The following SH3BGRL2 variants were observed in gnomAD, a reference collection of about 807,000 sequenced individuals.
The protein encoded by SH3BGRL2 is SH3 domain-binding glutamic acid-rich-like protein 2.
A neutral mutation model predicts 14.8 loss-of-function variants in SH3BGRL2; 21 were observed. The ratio of observed to expected loss-of-function variants is 1.42; its 90% CI spans 1.01 to 2.05. SH3BGRL2 has a LOEUF of 2.05. Among genes scored for constraint, SH3BGRL2 ranks in the 30% most tolerant of loss-of-function variants. SH3BGRL2 has a pLI of 0.00. For synonymous variants in SH3BGRL2, 50 were observed against 47.8 expected (o/e 1.05, Z -0.19); for missense variants, 147 against 130.8 (o/e 1.12, Z -0.61).
chr6:79,636,603 G>C (rs1171668942), intron 1 of SH3BGRL2, among the ~76,000 whole-genome samples: 1 of 152,142 alleles, frequency 6.6e-6, no homozygotes, highest in Non-Finnish European at 1.5e-5. Flanking sequence ...TTAAATAAAA[G>C]AAATTTGTCT....
intron 1 of SH3BGRL2, among the ~76,000 whole-genome samples, chr6:79,633,655 C>A (rs898593379): frequency 1.5e-4 from 23 of 152,166 alleles, no homozygotes; most frequent in Non-Finnish European, 2.8e-4. Context: ...AAGACCCAGT[C>A]TTTTCAGGTT....
chr6:79,621,551 A>C, the SH3BGRL2 span, among the ~76,000 whole-genome samples: 1 of 152,204 alleles, frequency 6.6e-6, no homozygotes, highest in African/African-American at 2.4e-5. Flanking sequence ...TACCCAGCTT[A>C]TGGTATTTCG....
At chr6:79,697,332 G>A (rs1770352272) in intron 3 of SH3BGRL2, among the ~76,000 whole-genome samples, 1 of 152,032 alleles carries the variant, frequency 6.6e-6, no homozygotes, top group South Asian at 2.1e-4. Context: ...GACATTTTTT[G>A]TGTTTCCTTG....
At chr6:79,611,709 G>C in the SH3BGRL2 span, among the ~76,000 whole-genome samples, 1 of 152,222 alleles carries the variant, frequency 6.6e-6, no homozygotes, top group East Asian at 1.9e-4. Flanking sequence ...ACCACGCCTG[G>C]CCCTACAGTA....
the SH3BGRL2 span, among the ~76,000 whole-genome samples, chr6:79,552,349 G>C: frequency 6.6e-6 from 1 of 152,192 alleles, no homozygotes; most frequent in Non-Finnish European, 1.5e-5. Flanking sequence ...GAAAAACCTT[G>C]TGGCAGTTAG....
intron 2 of SH3BGRL2, among the ~76,000 whole-genome samples, chr6:79,686,333 A>G (rs1320868299): frequency 6.6e-6 from 1 of 150,726 alleles, no homozygotes; most frequent in Non-Finnish European, 1.5e-5. Flanking sequence ...CCTCCCTTCC[A>G]TTGTCTTTCC....
chr6:79,676,524 T>G (rs1419003054), intron 2 of SH3BGRL2, among the ~76,000 whole-genome samples: 8 of 152,000 alleles, frequency 5.3e-5, no homozygotes, highest in African/African-American at 1.9e-4. Flanking sequence ...TCTAAGATCT[T>G]TCACCATTTC....
At chr6:79,544,845 T>C in the SH3BGRL2 span, among the ~76,000 whole-genome samples, 1 of 152,354 alleles carries the variant, frequency 6.6e-6, no homozygotes, top group Non-Finnish European at 1.5e-5. Flanking sequence ...TTAGGGATGA[T>C]TTTTAACATT....
the SH3BGRL2 span, among the ~76,000 whole-genome samples, chr6:79,558,204 G>A: frequency 6.6e-6 from 1 of 152,166 alleles, no homozygotes; most frequent in South Asian, 2.1e-4. Flanking sequence ...GCCTGCTACT[G>A]AAACTCCTAT....
the SH3BGRL2 span, among the ~76,000 whole-genome samples, chr6:79,596,998 G>A: frequency 6.6e-6 from 1 of 152,164 alleles, no homozygotes; most frequent in South Asian, 2.1e-4. Context: ...GGGAGGCCGA[G>A]GCGGGTGGAT....
At chr6:79,562,009 C>T in the SH3BGRL2 span, among the ~76,000 whole-genome samples, 4 of 152,072 alleles carry the variant, frequency 2.6e-5, no homozygotes, top group East Asian at 7.7e-4. Context: ...AGAAGCTAGC[C>T]CACAGCTCTC....
chr6:79,653,116 G>A (rs979834290), intron 1 of SH3BGRL2, among the ~76,000 whole-genome samples: 2 of 152,252 alleles, frequency 1.3e-5, no homozygotes, highest in Non-Finnish European at 2.9e-5. Flanking sequence ...TAACATGAAG[G>A]TCATTTTGTC....
the SH3BGRL2 span, among the ~76,000 whole-genome samples, chr6:79,620,812 G>C: frequency 6.6e-6 from 1 of 152,188 alleles, no homozygotes; most frequent in Non-Finnish European, 1.5e-5. Flanking sequence ...AGAATTATCT[G>C]CTGAGAGTTG....
intron 2 of SH3BGRL2, among the ~76,000 whole-genome samples, chr6:79,678,238 T>C (rs1769923507): frequency 6.6e-6 from 1 of 152,190 alleles, no homozygotes; most frequent in Non-Finnish European, 1.5e-5. Flanking sequence ...GTGAAACAGA[T>C]CCCTAGAACT....
At chr6:79,544,188 A>G in the SH3BGRL2 span, among the ~76,000 whole-genome samples, 1 of 152,172 alleles carries the variant, frequency 6.6e-6, no homozygotes, top group South Asian at 2.1e-4. Context: ...TCAGGCTGCT[A>G]AAAGCCTAAA....
At chr6:79,592,816 T>G in the SH3BGRL2 span, among the ~76,000 whole-genome samples, 1 of 152,158 alleles carries the variant, frequency 6.6e-6, no homozygotes, top group African/African-American at 2.4e-5. Context: ...TTATTTCCAT[T>G]TTAGATATGA....
intron 2 of SH3BGRL2, among the ~76,000 whole-genome samples, chr6:79,692,499 T>G (rs1201015015): frequency 3.3e-5 from 5 of 152,310 alleles, no homozygotes; most frequent in South Asian, 2.1e-4. Context: ...GGTCTAACAT[T>G]TAAGTCTTTA....
intron 1 of SH3BGRL2, among the ~76,000 whole-genome samples, chr6:79,640,623 G>A (rs1444031658): frequency 1.3e-5 from 2 of 152,018 alleles, no homozygotes; most frequent in Admixed American, 6.6e-5. Flanking sequence ...AGAACTCCAA[G>A]GGGTTGTTTC....
At chr6:79,615,127 TCA>T in the SH3BGRL2 span, among the ~76,000 whole-genome samples, 1 of 152,094 alleles carries the variant, frequency 6.6e-6, no homozygotes, top group African/African-American at 2.4e-5. Flanking sequence ...ACACCAGCAC[TCA>T]CACAGTCTTG....
Sources: gnomAD v4.1 joint callset for allele counts (sites outside exome capture counted in the v4.1 genomes callset) on GRCh38, gnomAD v4.1.1 for gene constraint, MANE v1.5 for transcripts, NCBI Gene and HGNC (gene_info 2026-07-23, HGNC 2026-07-21) for gene names.